Variants in OPCML observed in about 807,000 individuals in gnomAD.
OPCML encodes the protein opioid binding protein/cell adhesion molecule like.
OPCML carries 13 observed loss-of-function variants against 37.8 expected under a neutral mutation model. The ratio of observed to expected loss-of-function variants is 0.34; its 90% CI spans 0.22 to 0.55. The LOEUF (loss-of-function observed/expected upper bound fraction) is 0.55, where lower values mean the gene tolerates loss of function less well. Ranked by LOEUF, OPCML falls within the 20% of genes least tolerant of loss-of-function variation. OPCML has a pLI of 0.91. For missense variants in OPCML, 341 were observed against 435.6 expected, an observed-to-expected ratio of 0.78 and a Z score of 1.93; for synonymous variants, 176 against 168.8, an observed-to-expected ratio of 1.04 and a Z score of -0.33.
chr11:132,914,730 T>C (rs1055104427), intron 2 of OPCML, among the ~76,000 whole-genome samples: 3 of 152,150 alleles, frequency 2.0e-5, no homozygotes, highest in Admixed American at 2.0e-4. Flanking sequence ...CACTGAGTCA[T>C]GAACAAAGTT....
At chr11:132,529,511 T>A (rs1565640531) in intron 3 of OPCML, among the ~76,000 whole-genome samples, 1 of 152,132 alleles carries the variant, frequency 6.6e-6, no homozygotes, top group South Asian at 2.1e-4. Context: ...AGCTCCTGTT[T>A]ATCCCCATGT....
chr11:133,036,980 C>T (rs1432571381), intron 1 of OPCML, among the ~76,000 whole-genome samples: 2 of 152,258 alleles, frequency 1.3e-5, no homozygotes, highest in African/African-American at 4.8e-5. Flanking sequence ...TGACCTTGGT[C>T]CTCCCTCCCC....
chr11:132,456,666 C>T (rs1324954475), intron 4 of OPCML, among the ~76,000 whole-genome samples: 1 of 152,172 alleles, frequency 6.6e-6, no homozygotes, highest in Non-Finnish European at 1.5e-5. Flanking sequence ...TGGCATTCAC[C>T]TAAGGCATCA....
At chr11:133,007,143 T>C (rs1947129157) in intron 1 of OPCML, 1 of 985,324 alleles carries the variant, frequency 1.0e-6, no homozygotes, top group Admixed American at 6.1e-5. Flanking sequence ...TCAGGCAGCC[T>C]TACAGGTACA....
intron 2 of OPCML, among the ~76,000 whole-genome samples, chr11:132,823,235 C>T (rs1456295259): frequency 1.3e-5 from 2 of 152,252 alleles, no homozygotes; most frequent in East Asian, 3.9e-4. Flanking sequence ...ATCTGCACAC[C>T]TCCACACGTC....
At chr11:132,449,648 C>T (rs919327185) in intron 4 of OPCML, among the ~76,000 whole-genome samples, 3 of 152,104 alleles carry the variant, frequency 2.0e-5, no homozygotes, top group Admixed American at 6.5e-5. Context: ...CTGTTATAAC[C>T]GGACTGTGAC....
At chr11:132,979,316 A>T (rs1272163861) in intron 1 of OPCML, among the ~76,000 whole-genome samples, 1 of 152,168 alleles carries the variant, frequency 6.6e-6, no homozygotes, top group African/African-American at 2.4e-5. Context: ...TTTCACTCAG[A>T]GTACAGAGCC....
chr11:133,065,300 A>G (rs1402624489), intron 1 of OPCML: 1 of 152,228 alleles, frequency 6.6e-6, no homozygotes, highest in Non-Finnish European at 1.5e-5. Flanking sequence ...CAAGGTCAGA[A>G]GGAGCCATGG....
intron 4 of OPCML, among the ~76,000 whole-genome samples, chr11:132,478,372 G>T (rs555081402): frequency 9.8e-5 from 15 of 152,324 alleles, no homozygotes; most frequent in Middle Eastern, 3.4e-3. Context: ...CACACAGTAG[G>T]TGCTTAATAA....
intron 2 of OPCML, among the ~76,000 whole-genome samples, chr11:132,735,924 G>C (rs997067813): frequency 6.6e-6 from 1 of 152,250 alleles, no homozygotes; most frequent in Admixed American, 6.5e-5. Flanking sequence ...TTGTGAACAA[G>C]ACTGCCTTTA....
At chr11:132,485,451 G>A (rs770218045) in intron 4 of OPCML, among the ~76,000 whole-genome samples, 16 of 152,112 alleles carry the variant, frequency 1.1e-4, no homozygotes, top group Non-Finnish European at 1.2e-4. Context: ...TTTGGCAAGC[G>A]TGAACACTCA....
chr11:133,271,371 G>A (rs994360290), intron 1 of OPCML, among the ~76,000 whole-genome samples: 1 of 152,158 alleles, frequency 6.6e-6, no homozygotes, highest in African/African-American at 2.4e-5. Context: ...CTGGATCTTT[G>A]CCTGACATTG....
At chr11:133,029,435 C>A (rs1192346961) in intron 1 of OPCML, among the ~76,000 whole-genome samples, 3 of 152,212 alleles carry the variant, frequency 2.0e-5, no homozygotes, top group African/African-American at 7.2e-5. Context: ...TTCATCACAA[C>A]ATTCTTCACA....
chr11:133,421,848 T>A (rs1487535747), intron 1 of OPCML: 23 of 824,504 alleles, frequency 2.8e-5, no homozygotes, highest in Non-Finnish European at 3.1e-5. Context: ...ATCCCTACTG[T>A]AACCTCTCGG....
At chr11:133,036,982 T>C (rs1418075388) in intron 1 of OPCML, among the ~76,000 whole-genome samples, 1 of 152,116 alleles carries the variant, frequency 6.6e-6, no homozygotes, top group African/African-American at 2.4e-5. Context: ...ACCTTGGTCC[T>C]CCCTCCCCAC....
At chr11:133,319,464 G>C (rs1002267051) in intron 1 of OPCML, among the ~76,000 whole-genome samples, 1 of 152,128 alleles carries the variant, frequency 6.6e-6, no homozygotes, top group African/African-American at 2.4e-5. Context: ...TTCTCAGAAT[G>C]GTTTGGGATT....
chr11:133,423,033 C>T (rs1162032170), intron 1 of OPCML: 1 of 985,120 alleles, frequency 1.0e-6, no homozygotes, highest in East Asian at 1.1e-4. Flanking sequence ...TCCAAGGAAC[C>T]TCTACTGTTC....
chr11:133,360,319 A>G (rs190944637), intron 1 of OPCML: 2 of 152,314 alleles, frequency 1.3e-5, no homozygotes, highest in Admixed American at 6.5e-5. Flanking sequence ...ATCCCTACAT[A>G]ATTCTGACAT....
At chr11:132,742,198 C>T (rs576983827) in intron 2 of OPCML, among the ~76,000 whole-genome samples, 99 of 152,182 alleles carry the variant, frequency 6.5e-4, no homozygotes, top group African/African-American at 2.0e-3. Context: ...ATCACTGCTC[C>T]GACACAAGAG....
Sources: gnomAD v4.1 joint callset for allele counts (sites outside exome capture counted in the v4.1 genomes callset) on GRCh38, gnomAD v4.1.1 for gene constraint, MANE v1.5 for transcripts, NCBI Gene and HGNC (gene_info 2026-07-23, HGNC 2026-07-21) for gene names.